TBC1D8: variants seen among roughly 807,000 people sequenced by gnomAD.
TBC1D8 encodes the protein TBC1 domain family member 8.
A neutral mutation model predicts 118.8 loss-of-function variants in TBC1D8; 65 were observed. The observed-to-expected ratio is 0.55, with a 90% CI of 0.45 to 0.67. The LOEUF (loss-of-function observed/expected upper bound fraction) is 0.67, where lower values mean the gene tolerates loss of function less well. Among genes scored for constraint, TBC1D8 ranks in the 30% least tolerant of loss-of-function variants. TBC1D8 has a pLI of 0.00. For missense variants in TBC1D8, 1,376 were observed against 1,471.2 expected, an observed-to-expected ratio of 0.94 and a Z score of 1.06; for synonymous variants, 566 against 595.8, an observed-to-expected ratio of 0.95 and a Z score of 0.73.
chr2:101,091,809 C>T (rs1039090390), intron 1 of TBC1D8, among the ~76,000 whole-genome samples: 1 of 152,192 alleles, frequency 6.6e-6, no homozygotes, highest in African/African-American at 2.4e-5. Context: ...CAATTTACTT[C>T]ACATATTACC....
At chr2:101,122,714 C>G (rs1211178493) in intron 1 of TBC1D8, among the ~76,000 whole-genome samples, 2 of 152,060 alleles carry the variant, frequency 1.3e-5, no homozygotes, top group Non-Finnish European at 2.9e-5. Flanking sequence ...AACTCATAGA[C>G]TATTTGAGTT....
At chr2:101,134,186 C>G (rs1294164810) in intron 1 of TBC1D8, among the ~76,000 whole-genome samples, 4 of 94,774 alleles carry the variant, frequency 4.2e-5, no homozygotes, top group Non-Finnish European at 8.2e-5. Flanking sequence ...CTCTCTCTCT[C>G]TCTCTCTCTC....
chr2:101,151,012 C>G, intron 1 of TBC1D8, 115 bp downstream of exon 1: 1 of 767,364 alleles, frequency 1.3e-6, no homozygotes, highest in Non-Finnish European at 1.6e-6. Context: ...CGTCCGGGCC[C>G]CGCGTCTCCC....
In TBC1D8 at chr2:101,096,653, C is replaced by T. The variant is rs189557325; in HGVS notation, c.128-6289G>A. On this transcript the variant is annotated intron_variant, in intron 1 of 19. Coordinates refer to ENST00000409318, the MANE Select transcript of TBC1D8 (RefSeq NM_001330348.2). ...GGAAGAATTAATAAGAAATCCTAGA[C>T]GTGAAAAGAAAATCAAGGAAAAATG... is the stretch of plus-strand genomic sequence containing the variant. Among the ~76,000 whole-genome samples the T allele has an allele frequency of 9.6e-4, 146 of 151,886 alleles. 1 individual carries two copies. The highest frequency in any genetic ancestry group is 3.3e-3 in the African/African-American group (136 of 41,418).
At chr2:101,009,418 A>G (rs113558923) in intron 19 of TBC1D8, among the ~76,000 whole-genome samples, 72 of 152,070 alleles carry the variant, frequency 4.7e-4, no homozygotes, top group African/African-American at 1.6e-3. Flanking sequence ...AAAAAAAAAA[A>G]AAAAAGAAAA....
In TBC1D8 at chr2:101,068,603, G is replaced by A; in HGVS notation, c.284-9064C>T. The A allele has an allele frequency of 3.7e-6, 2 of 544,228 alleles. 1 individual carries two copies. Among genetic ancestry groups the A allele is most frequent in the Non-Finnish European group, 6.6e-6 (2 of 300,796 alleles). The allele number at this position is 544,228 out of a possible 1,614,324, so 33.7% of individuals were successfully genotyped here. ...AGAGAAAATGCACCAAGCAGCACAG[G>A]ATACAATTCGCCAACAAGAAATGGC... On this transcript the variant is annotated intron_variant, in intron 2 of 19. Transcript: ENST00000409318.
intron 2 of TBC1D8, among the ~76,000 whole-genome samples, chr2:101,072,704 C>CA (rs1337864069): frequency 6.6e-6 from 1 of 152,136 alleles, no homozygotes; most frequent in Non-Finnish European, 1.5e-5. Flanking sequence ...CTAATGCCAC[C>CA]ACTGATCTGA....
rs571717513 is a variant in TBC1D8, at chr2:101,136,716, C to T, written c.127+14411G>A. ...GGATTTACGAAGATCTAGTCTGACC[C>T]TTCACTCCAGCCAAACCCTTGCCAT... is the stretch of plus-strand genomic sequence containing the variant. On this transcript the variant is annotated intron_variant, in intron 1 of 19. Transcript: ENST00000409318. Among the ~76,000 whole-genome samples, 5 of 152,320 alleles carry T rather than the reference C, an allele frequency of 3.3e-5. No homozygotes were observed. The East Asian group carries it at 9.6e-4, about 29-fold the overall frequency.
At chr2:101,087,075 C>T (rs1196863946) in intron 2 of TBC1D8, among the ~76,000 whole-genome samples, 1 of 152,088 alleles carries the variant, frequency 6.6e-6, no homozygotes, top group Non-Finnish European at 1.5e-5. Flanking sequence ...TGAGCCACCG[C>T]GCCCGGCTGA....
At chr2:101,046,694 G>A (rs1413248166) in intron 5 of TBC1D8, among the ~76,000 whole-genome samples, 3 of 152,088 alleles carry the variant, frequency 2.0e-5, no homozygotes, top group Admixed American at 2.0e-4. Flanking sequence ...GGGGAGGGGA[G>A]GAAAGGGGAA....
intron 1 of TBC1D8, among the ~76,000 whole-genome samples, chr2:101,122,079 T>TTC (rs1260394511): frequency 6.7e-6 from 1 of 150,158 alleles, no homozygotes; most frequent in African/African-American, 2.4e-5. Flanking sequence ...TTCTTTTTTT[T>TTC]TTTTTTTTTC....
intron 2 of TBC1D8, among the ~76,000 whole-genome samples, chr2:101,065,758 A>G (rs1682979985): frequency 6.6e-6 from 1 of 152,200 alleles, no homozygotes; most frequent in Non-Finnish European, 1.5e-5. Flanking sequence ...AAACAGACAA[A>G]CTTAATCTCT....
chr2:101,096,418 A>G (rs1459910777), intron 1 of TBC1D8, among the ~76,000 whole-genome samples: 5 of 119,046 alleles, frequency 4.2e-5, no homozygotes, highest in African/African-American at 1.9e-4. Context: ...CTGGCTTTTG[A>G]CAAAAAAAAA....
In TBC1D8 at chr2:101,047,129, C is replaced by T. The variant is rs528044103; in HGVS notation, c.872+3272G>A. ...TCAGTCACTCTGCCCTCTTGGACTC[C>T]GAGGCTATGATGCAGGGATCCCTGG... is the stretch of plus-strand genomic sequence containing the variant. On this transcript the variant is annotated intron_variant, in intron 5 of 19. Transcript: ENST00000409318. Among the ~76,000 whole-genome samples the T allele has an allele frequency of 5.3e-5, 8 of 152,312 alleles. No homozygotes were observed. In the South Asian group the frequency reaches 1.2e-3, roughly 24 times the overall value.
rs944549986 is a variant in TBC1D8, at chr2:101,094,564, A to T, written c.128-4200T>A. ...ACCGGAGGGACTTTGGACAACATCA[A>T]ATGAAAGCAGCAGGGAGGGTGTGCA... On this transcript the variant is annotated intron_variant, in intron 1 of 19. Transcript: ENST00000409318. Among the ~76,000 whole-genome samples, 5 of 152,210 alleles carry T rather than the reference A, an allele frequency of 3.3e-5. No individual in the cohort carries two copies. The East Asian group carries it at 9.6e-4, about 29-fold the overall frequency.
At chr2:101,049,400 A>T (rs1008758985) in intron 5 of TBC1D8, among the ~76,000 whole-genome samples, 1 of 152,196 alleles carries the variant, frequency 6.6e-6, no homozygotes, top group Non-Finnish European at 1.5e-5. Flanking sequence ...AGCTGTCCTG[A>T]AAATGTTTTC....
intron 1 of TBC1D8, among the ~76,000 whole-genome samples, chr2:101,104,493 G>T (rs937518995): frequency 6.6e-6 from 1 of 152,202 alleles, no homozygotes; most frequent in Non-Finnish European, 1.5e-5. Context: ...AGACAGTGTG[G>T]TGGTACTGGT....
intron 1 of TBC1D8, among the ~76,000 whole-genome samples, chr2:101,105,089 G>C (rs1475251419): frequency 1.3e-5 from 2 of 151,744 alleles, no homozygotes; most frequent in Non-Finnish European, 2.9e-5. Flanking sequence ...ACTAAGTGTG[G>C]TGATGACTCT....
chr2:101,074,763 A>G (rs1674702278), intron 2 of TBC1D8, among the ~76,000 whole-genome samples: 1 of 152,248 alleles, frequency 6.6e-6, no homozygotes, highest in Non-Finnish European at 1.5e-5. Context: ...ATCAAAGTTA[A>G]GTTATAACTA....
Sources: gnomAD v4.1 joint callset for allele counts (sites outside exome capture counted in the v4.1 genomes callset) on GRCh38, gnomAD v4.1.1 for gene constraint, MANE v1.5 for transcripts, NCBI Gene and HGNC (gene_info 2026-07-23, HGNC 2026-07-21) for gene names.